Variants in GRID1 observed in about 807,000 individuals in gnomAD.
GRID1 encodes glutamate receptor ionotropic, delta-1.
GRID1 carries 28 observed loss-of-function variants against 98.0 expected under a neutral mutation model. The ratio of observed to expected loss-of-function variants is 0.29; its 90% CI spans 0.21 to 0.39. The LOEUF (loss-of-function observed/expected upper bound fraction) is 0.39. GRID1 is among the 10% of genes least tolerant of loss of function. The pLI is 1.00. For missense variants in GRID1, 1,111 were observed against 1,340.5 expected, an observed-to-expected ratio of 0.83 and a Z score of 2.67; for synonymous variants, 553 against 538.5, an observed-to-expected ratio of 1.03 and a Z score of -0.37.
intron 4 of GRID1, among the ~76,000 whole-genome samples, chr10:85,937,204 A>C (rs549261209): frequency 2.0e-5 from 3 of 152,368 alleles, no homozygotes; most frequent in Admixed American, 6.5e-5. Context: ...GGCCTGGACA[A>C]GCATTAGTAC....
Position 85,724,550 on chromosome 10 carries a change from T to C in GRID1, c.1660A>G (p.Ile554Val). 6.2e-7 allele frequency: 1 copy of C among 1,613,818 alleles called. No individual in the cohort carries two copies. The highest frequency in any genetic ancestry group is 8.5e-7 in the Non-Finnish European group (1 of 1,180,004). ...TCAAATGGAGCAAAGAGGGAGAAGA[T>C]GCTGATTTTCTCCTCGGGCTTCTTA... ...LIKKPEEKIS[I>V]FSLFAPFDFA... Residue 554 changes from isoleucine (I) to valine (V), a missense_variant, in exon 11 of 16, where the codon ATC becomes GTC. Ile to Val is a conservative substitution (Grantham distance 29, BLOSUM62 3). This residue lies in a region of GRID1 where 762 missense variants were observed against 869.1 expected (regional missense o/e 0.88). Coordinates refer to ENST00000327946, the MANE Select transcript of GRID1 (RefSeq NM_017551.3).
At chr10:86,158,987 G>A (rs915792527) in intron 3 of GRID1, among the ~76,000 whole-genome samples, 11 of 152,148 alleles carry the variant, frequency 7.2e-5, no homozygotes, top group South Asian at 4.2e-4. Context: ...TCCGCCTCCC[G>A]GGTTCACGCC....
At chr10:85,987,849 C>G (rs1842631610) in intron 4 of GRID1, among the ~76,000 whole-genome samples, 1 of 151,860 alleles carries the variant, frequency 6.6e-6, no homozygotes, top group Non-Finnish European at 1.5e-5. Flanking sequence ...TCTTCACATC[C>G]TCACCTTTTT....
intron 4 of GRID1, among the ~76,000 whole-genome samples, chr10:86,038,786 T>C (rs61856052): frequency 0.035 from 5,286 of 152,336 alleles, 121 homozygotes; most frequent in Non-Finnish European, 0.05. Context: ...TGAGGATCTA[T>C]TGTGTGTTGG....
rs748268064 is a variant in GRID1 at position 86,088,310 on chromosome 10, T to TAG, written c.726+50507_726+50508dup. Among the ~76,000 whole-genome samples, 97 of 150,554 alleles carry TAG rather than the reference T, an allele frequency of 6.4e-4. No homozygotes were observed. In the East Asian group the frequency reaches 0.016, roughly 24 times the overall value. On this transcript the variant is annotated intron_variant, in intron 4 of 15. Transcript: ENST00000327946. ...AGGAAAAGAGAGAGAGGGAGAGGGA[T>TAG]AGAGAGAGAGAGAGAGATCACATCT...
At chr10:86,231,746 C>T (rs1846456316) in intron 2 of GRID1, among the ~76,000 whole-genome samples, 1 of 152,192 alleles carries the variant, frequency 6.6e-6, no homozygotes, top group South Asian at 2.1e-4. Flanking sequence ...AGACAGCTGA[C>T]CTCAATCAGC....
At chr10:85,880,849 A>G (rs1460709480) in intron 5 of GRID1, among the ~76,000 whole-genome samples, 4 of 152,140 alleles carry the variant, frequency 2.6e-5, no homozygotes, top group Non-Finnish European at 4.4e-5. Context: ...GTTTGCAGAT[A>G]ACATGATTGT....
chr10:86,203,333 C>A (rs966504571), intron 3 of GRID1, among the ~76,000 whole-genome samples: 15 of 152,010 alleles, frequency 9.9e-5, no homozygotes, highest in Non-Finnish European at 2.1e-4. Context: ...CAATGTGTAT[C>A]CACCTAGGAG....
intron 4 of GRID1, among the ~76,000 whole-genome samples, chr10:86,091,491 G>C (rs1844147501): frequency 6.6e-6 from 1 of 151,974 alleles, no homozygotes; most frequent in Admixed American, 6.6e-5. Flanking sequence ...ACTGGCCCAA[G>C]GAGAGTCTGA....
intron 13 of GRID1, among the ~76,000 whole-genome samples, chr10:85,627,742 A>G (rs1411399827): frequency 1.3e-5 from 2 of 152,206 alleles, no homozygotes; most frequent in Non-Finnish European, 2.9e-5. Context: ...GGGGCTAAGA[A>G]TTGTTTCCTA....
chr10:86,292,348 A>C (rs1847526689), intron 2 of GRID1, among the ~76,000 whole-genome samples: 1 of 152,226 alleles, frequency 6.6e-6, no homozygotes, highest in Non-Finnish European at 1.5e-5. Context: ...GACAGCAGCC[A>C]AGATGCACAG....
intron 12 of GRID1, among the ~76,000 whole-genome samples, chr10:85,699,389 G>T (rs544142798): frequency 1.3e-5 from 2 of 152,172 alleles, no homozygotes; most frequent in South Asian, 4.2e-4. Flanking sequence ...TGTATATGTT[G>T]GATAACAGTC....
intron 8 of GRID1, among the ~76,000 whole-genome samples, chr10:85,792,700 T>A (rs1217889920): frequency 1.3e-5 from 2 of 152,128 alleles, no homozygotes; most frequent in East Asian, 3.9e-4. Context: ...ACTCCAGACC[T>A]CTCAGGAAGC....
chr10:86,226,026 A>T (rs113338782), intron 2 of GRID1, among the ~76,000 whole-genome samples: 5 of 152,182 alleles, frequency 3.3e-5, no homozygotes, highest in African/African-American at 1.2e-4. Flanking sequence ...ATAGTCACCT[A>T]ATGAAGGTGA....
intron 4 of GRID1, among the ~76,000 whole-genome samples, chr10:86,044,232 T>A (rs898379512): frequency 2.6e-5 from 4 of 152,230 alleles, no homozygotes; most frequent in Non-Finnish European, 5.9e-5. Context: ...AGGGGTGAAG[T>A]GGCTAATGGC....
chr10:86,096,778 AG>A (rs774631628), intron 4 of GRID1, among the ~76,000 whole-genome samples: 20 of 152,366 alleles, frequency 1.3e-4, no homozygotes, highest in Non-Finnish European at 2.8e-4. Flanking sequence ...GCTAGGTGAC[AG>A]TACCTTGCAG....
chr10:86,183,687 A>G (rs573066580), intron 3 of GRID1, among the ~76,000 whole-genome samples: 33 of 152,340 alleles, frequency 2.2e-4, no homozygotes, highest in Admixed American at 2.1e-3. Flanking sequence ...TCACTTGCCA[A>G]TGGACATTTT....
At chr10:86,003,442 G>T (rs773511508) in intron 4 of GRID1, among the ~76,000 whole-genome samples, 1 of 152,234 alleles carries the variant, frequency 6.6e-6, no homozygotes, top group Non-Finnish European at 1.5e-5. Flanking sequence ...TGGCACTTGT[G>T]CCCCATTTAG....
chr10:86,168,429 C>T (rs748436176), intron 3 of GRID1, among the ~76,000 whole-genome samples: 1 of 152,204 alleles, frequency 6.6e-6, no homozygotes, highest in Non-Finnish European at 1.5e-5. Flanking sequence ...CCTGCCCAAG[C>T]TGTGGGCTGT....
Sources: allele counts gnomAD v4.1 joint callset (sites outside exome capture counted in the v4.1 genomes callset), GRCh38; gene constraint gnomAD v4.1.1; regional missense constraint gnomAD v4.1.1; transcripts MANE v1.5; gene names NCBI Gene and HGNC (gene_info 2026-07-23, HGNC 2026-07-21).